The following YWHAG variants were observed in gnomAD, a reference collection of about 807,000 sequenced individuals.
YWHAG encodes the protein 14-3-3 protein gamma.
In YWHAG, 1 loss-of-function variant was observed where a neutral mutation model predicts 23.3. The observed-to-expected ratio is 0.04, with a 90% CI of 0.02 to 0.20. The LOEUF is 0.20. Among genes scored for constraint, YWHAG ranks in the 10% least tolerant of loss-of-function variants. YWHAG has a pLI of 1.00. For missense variants in YWHAG, 151 were observed against 338.6 expected (o/e 0.45, Z 4.35); for synonymous variants, 160 against 144.0 (o/e 1.11, Z -0.80).
intron 1 of YWHAG, among the ~76,000 whole-genome samples, chr7:76,347,112 C>A (rs148140502): frequency 6.6e-6 from 1 of 152,278 alleles, no homozygotes; most frequent in Non-Finnish European, 1.5e-5. Context: ...CGACCAGTGT[C>A]AACTAAGCGT....
At chr7:76,354,388 G>A (rs1163755516) in intron 1 of YWHAG, among the ~76,000 whole-genome samples, 1 of 152,110 alleles carries the variant, frequency 6.6e-6, no homozygotes, top group African/African-American at 2.4e-5. Context: ...GTGGGTGCCT[G>A]TAATCCCAGC....
In YWHAG at chr7:76,330,129, A is replaced by G. The variant is rs765732943; in HGVS notation, c.192T>C (p.Ser64=). The G allele has an allele frequency of 1.9e-5, 30 of 1,613,820 alleles. No homozygotes were observed. The highest frequency in any genetic ancestry group is 2.5e-5 in the Non-Finnish European group (29 of 1,179,994). ...GARRSSWRVI[S]SIEQKTSADG... is the part of the protein sequence containing the mutation. The stretch of plus-strand genomic sequence containing the variant: ...CTGCAGATGTCTTCTGCTCAATGCT[A>G]CTGATGACCCTCCAGGAAGAGCGGC... Residue 64 remains serine, a synonymous_variant, in exon 2 of 2, where the codon AGT becomes AGC. Transcript: ENST00000307630.
chr7:76,343,172 T>G (rs1387008478), intron 1 of YWHAG, among the ~76,000 whole-genome samples: 3 of 150,462 alleles, frequency 2.0e-5, no homozygotes, highest in African/African-American at 7.3e-5. Context: ...GTAAAAGCTG[T>G]TGTAAACTAT....
chr7:76,347,609 A>AC (rs397702020), intron 1 of YWHAG, among the ~76,000 whole-genome samples: 1 of 151,808 alleles, frequency 6.6e-6, no homozygotes. Flanking sequence ...AACAAAAAAA[A>AC]CACTCAAATG....
chr7:76,344,469 A>G (rs907553238), intron 1 of YWHAG, among the ~76,000 whole-genome samples: 1 of 152,158 alleles, frequency 6.6e-6, no homozygotes, highest in East Asian at 1.9e-4. Flanking sequence ...CCTTGAAAAA[A>G]TCCAGATATA....
intron 1 of YWHAG, among the ~76,000 whole-genome samples, chr7:76,358,098 G>A (rs569105465): frequency 5.3e-5 from 8 of 152,216 alleles, no homozygotes; most frequent in Non-Finnish European, 1.0e-4. Context: ...AATGGAGAAA[G>A]AAGAGCCTTT....
At chr7:76,331,427 G>T (rs538763115) in intron 1 of YWHAG, among the ~76,000 whole-genome samples, 1 of 152,114 alleles carries the variant, frequency 6.6e-6, no homozygotes, top group African/African-American at 2.4e-5. Context: ...AATCCAAAAA[G>T]ATCTACTAAA....
rs1803505639 is a variant in YWHAG, at chr7:76,329,356, T to C, written c.*221A>G. On this transcript the variant is annotated 3_prime_UTR_variant, in exon 2 of 2. Coordinates refer to ENST00000307630, the MANE Select transcript of YWHAG (RefSeq NM_012479.4). This position sits in a 1 kb window ranked among gnomAD's most constrained non-coding sequence, Gnocchi z 6.1. ...ATCTACAGAACAGTCCAGACGCCAGTGTGAGGCTGCTATTCCAATACCAGC... is the reference window on the plus strand; with the variant it reads ...ATCTACAGAACAGTCCAGACGCCAGCGTGAGGCTGCTATTCCAATACCAGC... The C allele has an allele frequency of 3.4e-6, 2 of 588,156 alleles. No homozygotes were observed. The highest frequency in any genetic ancestry group is 3.1e-5 in the Admixed American group (1 of 32,058). 36.4% of individuals were successfully genotyped at this position (588,156 alleles called of 1,614,324 possible). A position where few individuals can be genotyped will look rare whatever the true frequency, so the allele number is the denominator to read the frequency against.
chr7:76,349,101 G>A (rs1269286088), intron 1 of YWHAG, among the ~76,000 whole-genome samples: 2 of 151,984 alleles, frequency 1.3e-5, no homozygotes, highest in African/African-American at 2.4e-5. Context: ...CCAGCACTTT[G>A]GGAGGCCGAG....
chr7:76,335,359 AATTTCTTTTGGTGACT>A (rs1342487555), intron 1 of YWHAG, among the ~76,000 whole-genome samples: 5 of 152,306 alleles, frequency 3.3e-5, no homozygotes, highest in African/African-American at 1.2e-4. Context: ...CCCGGCCTCA[AATTTCTTTTGGTGACT>A]TAAAAGATGT....
chr7:76,348,148 T>C (rs1249789793), intron 1 of YWHAG, among the ~76,000 whole-genome samples: 3 of 152,208 alleles, frequency 2.0e-5, no homozygotes, highest in East Asian at 1.9e-4. Flanking sequence ...CTGCAAGCAA[T>C]GGAACATATG....
At chr7:76,344,789 G>A (rs1173664783) in intron 1 of YWHAG, among the ~76,000 whole-genome samples, 2 of 152,148 alleles carry the variant, frequency 1.3e-5, no homozygotes, top group African/African-American at 4.8e-5. Flanking sequence ...TTGACCTTAT[G>A]CAGAATCATT....
intron 1 of YWHAG, among the ~76,000 whole-genome samples, chr7:76,352,370 G>A (rs564752540): frequency 2.2e-4 from 33 of 152,166 alleles, no homozygotes; most frequent in Non-Finnish European, 5.9e-5. Context: ...CTCAGCTTGC[G>A]GCAGGTTGGG....
intron 1 of YWHAG, among the ~76,000 whole-genome samples, chr7:76,344,753 G>A (rs1803750443): frequency 6.6e-6 from 1 of 152,060 alleles, no homozygotes; most frequent in South Asian, 2.1e-4. Context: ...CTCATCAATT[G>A]GGACAACTTA....
chr7:76,344,180 G>A lies in YWHAG; in HGVS notation c.88-13947C>T, dbSNP rs1013669317. On this transcript the variant is annotated intron_variant, in intron 1 of 1. Coordinates refer to ENST00000307630, the MANE Select transcript of YWHAG (RefSeq NM_012479.4). ...GGCTGGAATGCAGTGGTGCGATATC[G>A]GCTCACTGCAGCCTCCACCTCCCAG... 2.0e-5 allele frequency among the ~76,000 whole-genome samples: 3 copies of A among 151,902 alleles called. 1 individual carries two copies. The highest frequency in any genetic ancestry group is 4.2e-4 in the South Asian group (2 of 4,804).
intron 1 of YWHAG, among the ~76,000 whole-genome samples, chr7:76,353,218 TTTTC>T (rs1189970664): frequency 6.6e-6 from 1 of 152,182 alleles, no homozygotes; most frequent in African/African-American, 2.4e-5. Flanking sequence ...TGGGAATTTT[TTTTC>T]TTTTTTTCAA....
intron 1 of YWHAG, among the ~76,000 whole-genome samples, chr7:76,349,318 G>A (rs1451313612): frequency 2.8e-5 from 4 of 145,022 alleles, no homozygotes; most frequent in Admixed American, 1.4e-4. Context: ...CAGCCTGGGC[G>A]ACAGAGCAGA....
chr7:76,358,655 C>G, intron 1 of YWHAG, 67 bp downstream of exon 1: 1 of 1,449,854 alleles, frequency 6.9e-7, no homozygotes, highest in Non-Finnish European at 9.3e-7. Flanking sequence ...AAGCCCCGGG[C>G]CTTCCACGCC....
intron 1 of YWHAG, among the ~76,000 whole-genome samples, chr7:76,344,959 A>G (rs1019521926): frequency 5.9e-5 from 9 of 152,134 alleles, no homozygotes; most frequent in African/African-American, 1.4e-4. Context: ...TTCTGCAGGC[A>G]TATCACTGTC....
Sources: gnomAD v4.1 joint callset for allele counts (sites outside exome capture counted in the v4.1 genomes callset) on GRCh38, gnomAD v4.1.1 for gene constraint, Gnocchi (gnomAD v3.1) non-coding constraint, MANE v1.5 for transcripts, NCBI Gene and HGNC (gene_info 2026-07-23, HGNC 2026-07-21) for gene names.